ABCA13: variants seen among roughly 807,000 people sequenced by gnomAD.
The protein encoded by ABCA13 is ATP binding cassette subfamily A member 13, also known as ATP-binding cassette sub-family A member 13.
In ABCA13, 476 loss-of-function variants were observed where a neutral mutation model predicts 478.7. The observed-to-expected ratio is 0.99, with a 90% CI of 0.92 to 1.07. The LOEUF is 1.07. Among genes scored for constraint, ABCA13 ranks in the 50% least tolerant of loss-of-function variants. The probability of loss-of-function intolerance (pLI) is 0.00; values close to 1 mark genes in which losing one functional copy is unlikely to be tolerated. For synonymous variants in ABCA13, 2,252 were observed against 2,158.9 expected (o/e 1.04, Z -1.20); for missense variants, 6,060 against 5,910.6 (o/e 1.03, Z -0.83).
At chr7:48,432,478 C>T (rs1822279341) in intron 42 of ABCA13, among the ~76,000 whole-genome samples, 1 of 151,940 alleles carries the variant, frequency 6.6e-6, no homozygotes, top group African/African-American at 2.4e-5. Flanking sequence ...TGGTATATAT[C>T]CAAGGAAATG....
chr7:48,299,198 A>G (rs1250915397), intron 23 of ABCA13, among the ~76,000 whole-genome samples: 2 of 152,208 alleles, frequency 1.3e-5, no homozygotes, highest in East Asian at 3.9e-4. Context: ...CTTCCTGTAC[A>G]GAGAACCTTC....
intron 23 of ABCA13, among the ~76,000 whole-genome samples, chr7:48,307,709 C>G (rs922784572): frequency 2.0e-5 from 3 of 152,100 alleles, no homozygotes; most frequent in African/African-American, 4.8e-5. Context: ...AAGACAGAGT[C>G]TTGCTCTGTT....
At chr7:48,417,886 C>G (rs1397475825) in intron 41 of ABCA13, among the ~76,000 whole-genome samples, 1 of 152,220 alleles carries the variant, frequency 6.6e-6, no homozygotes, top group African/African-American at 2.4e-5. Context: ...TTACTGTCAT[C>G]GTAGTTTTAC....
Position 48,374,358 on chromosome 7 carries a change from G to T in ABCA13, c.11145G>T (p.Ser3715=). 2 of 1,609,418 alleles carry T rather than the reference G, an allele frequency of 1.2e-6. No homozygotes were observed. Among genetic ancestry groups the T allele is most frequent in the South Asian group, 1.1e-5 (1 of 89,552 alleles). Residue 3715 remains serine, a synonymous_variant, in exon 34 of 62, where the codon TCG becomes TCT. Transcript: ENST00000435803. ...CAATCTGTGGGCAGTGCCTTCTTTCGACAACCGCCTTTGGACAAGGGGTAT... is the reference window on the plus strand; with the variant it reads ...CAATCTGTGGGCAGTGCCTTCTTTCTACAACCGCCTTTGGACAAGGGGTAT... ...FVNQTFLCLL[S]TTAFGQGVFF...
intron 59 of ABCA13, among the ~76,000 whole-genome samples, chr7:48,618,313 C>T (rs932620204): frequency 6.6e-6 from 1 of 152,188 alleles, no homozygotes; most frequent in Admixed American, 6.5e-5. Context: ...ATGCACTTCA[C>T]CATCTGAGAA....
rs1562993749 is a variant in ABCA13 at position 48,297,282 on chromosome 7, C to A, written c.9170C>A (p.Thr3057Asn). 2 of 1,609,268 alleles carry A rather than the reference C, an allele frequency of 1.2e-6. No individual in the cohort carries two copies. Among genetic ancestry groups the A allele is most frequent in the East Asian group, 2.2e-5 (1 of 44,826 alleles). Residue 3057 changes from threonine to asparagine, a missense_variant, in exon 22 of 62, where the codon ACT (threonine) becomes AAT (asparagine). Transcript: ENST00000435803. The stretch of plus-strand genomic sequence containing the variant: ...TGGTCATCAGGGAATCCCATCATGA[C>A]TTTTCTCAGCAATTTCACAGTAACT... ...ETWSSGNPIM[T>N]FLSNFTVTED...
chr7:48,346,521 C>G (rs1808131459), intron 29 of ABCA13, among the ~76,000 whole-genome samples: 1 of 150,906 alleles, frequency 6.6e-6, no homozygotes, highest in Non-Finnish European at 1.5e-5. Flanking sequence ...AAAAAAAAAG[C>G]CCCCCACAAT....
chr7:48,601,811 A>G (rs1563491439), intron 58 of ABCA13, among the ~76,000 whole-genome samples: 1 of 152,178 alleles, frequency 6.6e-6, no homozygotes, highest in Non-Finnish European at 1.5e-5. Context: ...GTCTTCCACA[A>G]TTGGTGAACT....
At chr7:48,547,857 C>G (rs941142478) in intron 55 of ABCA13, among the ~76,000 whole-genome samples, 1 of 151,842 alleles carries the variant, frequency 6.6e-6, no homozygotes, top group African/African-American at 2.4e-5. Context: ...AGTGATGATG[C>G]TTGGTAGGTT....
intron 54 of ABCA13, among the ~76,000 whole-genome samples, chr7:48,524,778 T>A (rs754458927): frequency 1.3e-5 from 2 of 152,206 alleles, no homozygotes; most frequent in Non-Finnish European, 2.9e-5. Context: ...TATCTCTTAC[T>A]GGGACATCAG....
intron 8 of ABCA13, among the ~76,000 whole-genome samples, chr7:48,238,015 A>G (rs1790226155): frequency 6.6e-6 from 1 of 152,236 alleles, no homozygotes; most frequent in African/African-American, 2.4e-5. Flanking sequence ...TTAAATCCTG[A>G]TCCAAAAGGA....
Position 48,272,825 on chromosome 7 carries a change from A to G in ABCA13, c.3159A>G (p.Gln1053=), listed in dbSNP as rs745864391. The part of the protein sequence containing the change: ...QAQSFMSTEG[Q]ELEVIHTTLT... The stretch of plus-strand genomic sequence containing the variant: ...AATCCTTCATGTCTACAGAGGGCCA[A>G]GAACTGGAAGTGATCCACACTACTT... Residue 1053 remains glutamine, a synonymous_variant, in exon 17 of 62, where the codon CAA becomes CAG. Coordinates refer to ENST00000435803, the MANE Select transcript of ABCA13 (RefSeq NM_152701.5). The G allele has an allele frequency of 6.8e-6, 11 of 1,606,924 alleles. No individual in the cohort carries two copies. The South Asian group carries it at 1.1e-4, about 16-fold the overall frequency.
chr7:48,274,338 G>A lies in ABCA13; in HGVS notation c.4672G>A (p.Val1558Ile). Residue 1558 changes from valine to isoleucine, a missense_variant, in exon 17 of 62, where the codon GTA becomes ATA. By Grantham distance (29) the Val-to-Ile change is conservative. Transcript: ENST00000435803. Reference protein sequence around the residue: ...ITLGKEFQKLVKGIYFNILEN... With the variant: ...ITLGKEFQKLIKGIYFNILEN... ...ACTGGGGAAGGAATTTCAGAAGCTT[G>A]TAAAAGGTATTTACTTTAACATCCT... 1 of 1,613,418 alleles carries A rather than the reference G, an allele frequency of 6.2e-7. No homozygotes were observed.
intron 59 of ABCA13, among the ~76,000 whole-genome samples, chr7:48,636,037 AC>A (rs1315797686): frequency 1.3e-5 from 2 of 152,160 alleles, no homozygotes; most frequent in Non-Finnish European, 2.9e-5. Context: ...TTGTACCTGC[AC>A]CTAAAGTGAC....
chr7:48,172,056 T>C (rs963339767), intron 1 of ABCA13, among the ~76,000 whole-genome samples: 9 of 152,376 alleles, frequency 5.9e-5, no homozygotes, highest in Non-Finnish European at 8.8e-5. Context: ...TATTTAGAAC[T>C]GTATTCAAAT....
intron 32 of ABCA13, among the ~76,000 whole-genome samples, chr7:48,369,905 A>AT (rs368709552): frequency 0.015 from 2,171 of 148,656 alleles, 28 homozygotes; most frequent in Middle Eastern, 0.087. Flanking sequence ...GAATTTTAGG[A>AT]TTTTTTTTTT....
chr7:48,479,090 G>A (rs893044326), intron 45 of ABCA13, among the ~76,000 whole-genome samples: 72 of 151,240 alleles, frequency 4.8e-4, no homozygotes, highest in African/African-American at 1.7e-3. Flanking sequence ...TGGGACTACA[G>A]GTGGCCGCCA....
Position 48,273,508 on chromosome 7 carries a change from T to A in ABCA13, c.3842T>A (p.Leu1281Ter), listed in dbSNP as rs527641280. Residue 1281 changes from leucine to a stop codon, truncating the protein, a stop_gained, in exon 17 of 62, where the codon TTA becomes TAA. Transcript: ENST00000435803. LOFTEE classifies it high-confidence loss of function. ...AACGAAAGTACAAGCAGAGAGTTTT[T>A]AAATTCTCTGCTTGAAGTTTTCATT... ...PFNESTSREF[L>*]NSLLEVFIEF... 46 of 1,594,304 alleles carry A rather than the reference T, an allele frequency of 2.9e-5. No individual in the cohort carries two copies. In the East Asian group the frequency reaches 9.9e-4, roughly 34 times the overall value.
intron 59 of ABCA13, among the ~76,000 whole-genome samples, chr7:48,639,137 G>A (rs373736679): frequency 1.3e-5 from 2 of 152,160 alleles, no homozygotes; most frequent in South Asian, 4.1e-4. Flanking sequence ...TTCTCTTTTG[G>A]TTTCCTTTTC....
Sources: allele counts gnomAD v4.1 joint callset (sites outside exome capture counted in the v4.1 genomes callset), GRCh38; gene constraint gnomAD v4.1.1; transcripts MANE v1.5; gene names NCBI Gene and HGNC (gene_info 2026-07-23, HGNC 2026-07-21).